Variants in SORCS1 observed in about 807,000 individuals in gnomAD.
SORCS1 encodes the protein sortilin related VPS10 domain containing receptor 1.
In SORCS1, 60 loss-of-function variants were observed where a neutral mutation model predicts 146.1. The ratio of observed to expected loss-of-function variants is 0.41; its 90% CI spans 0.33 to 0.51. The LOEUF is 0.51. SORCS1 is among the 20% of genes least tolerant of loss of function. The pLI is 0.21. For synonymous variants in SORCS1, 637 were observed against 584.0 expected (o/e 1.09, Z -1.31); for missense variants, 1,352 against 1,487.6 (o/e 0.91, Z 1.50).
intron 3 of SORCS1, among the ~76,000 whole-genome samples, chr10:106,814,784 G>A (rs1230157070): frequency 6.6e-6 from 1 of 151,602 alleles, no homozygotes; most frequent in East Asian, 2.0e-4. Flanking sequence ...GCGTGGTGGT[G>A]GGCGCCTGTA....
chr10:106,957,408 G>T (rs916646700), intron 1 of SORCS1, among the ~76,000 whole-genome samples: 1 of 151,944 alleles, frequency 6.6e-6, no homozygotes, highest in African/African-American at 2.4e-5. Flanking sequence ...CTGACCTCAG[G>T]TGATCCACCT....
intron 2 of SORCS1, among the ~76,000 whole-genome samples, chr10:106,882,486 A>G (rs571823725): frequency 1.4e-4 from 22 of 152,278 alleles, no homozygotes; most frequent in Middle Eastern, 3.4e-3. Flanking sequence ...CAACTCTCCC[A>G]TTAGAGCATG....
At chr10:106,714,059 T>A (rs12763942) in intron 6 of SORCS1, among the ~76,000 whole-genome samples, 223 of 130,978 alleles carry the variant, frequency 1.7e-3, no homozygotes, top group African/African-American at 5.9e-3. Flanking sequence ...TCACTTTAAC[T>A]CAGGAGGTGG....
chr10:106,720,145 T>A (rs2135930860), intron 6 of SORCS1, among the ~76,000 whole-genome samples: 1 of 152,330 alleles, frequency 6.6e-6, no homozygotes, highest in African/African-American at 2.4e-5. Context: ...CATGCATTTT[T>A]TATAACATCT....
chr10:106,985,556 T>TGA (rs1175290966), intron 1 of SORCS1, among the ~76,000 whole-genome samples: 4 of 150,132 alleles, frequency 2.7e-5, no homozygotes, highest in East Asian at 3.9e-4. Flanking sequence ...TTTTTTTTTT[T>TGA]GAGATAGTCT....
At chr10:106,785,140 G>T (rs1384048282) in intron 3 of SORCS1, among the ~76,000 whole-genome samples, 1 of 152,136 alleles carries the variant, frequency 6.6e-6, no homozygotes, top group African/African-American at 2.4e-5. Context: ...ATGCTGGCAG[G>T]AGCTCTCTCT....
At chr10:106,963,074 T>C (rs1445824579) in intron 1 of SORCS1, among the ~76,000 whole-genome samples, 7 of 146,672 alleles carry the variant, frequency 4.8e-5, no homozygotes, top group Non-Finnish European at 1.1e-4. Context: ...AATCAAAGAG[T>C]TGGATAAAAT....
chr10:106,733,467 T>C (rs1267124728), intron 5 of SORCS1, among the ~76,000 whole-genome samples: 1 of 152,224 alleles, frequency 6.6e-6, no homozygotes, highest in East Asian at 1.9e-4. Flanking sequence ...TAAGTGCTGA[T>C]TTTAACGGTC....
chr10:107,152,885 C>T (rs1194560208), intron 1 of SORCS1, among the ~76,000 whole-genome samples: 1 of 152,038 alleles, frequency 6.6e-6, no homozygotes, highest in Admixed American at 6.6e-5. Flanking sequence ...TGTTTATATG[C>T]CTCCATCACA....
chr10:106,680,633 A>G (rs992305693), intron 10 of SORCS1, among the ~76,000 whole-genome samples: 1 of 152,242 alleles, frequency 6.6e-6, no homozygotes, highest in Admixed American at 6.5e-5. Flanking sequence ...GTTTTCAAGA[A>G]AAAAGGATAA....
At chr10:106,632,638 G>C (rs958057444) in intron 18 of SORCS1, among the ~76,000 whole-genome samples, 2 of 152,184 alleles carry the variant, frequency 1.3e-5, no homozygotes, top group Non-Finnish European at 2.9e-5. Context: ...ATGTTATTAA[G>C]CAAGCAATAG....
intron 1 of SORCS1, among the ~76,000 whole-genome samples, chr10:107,069,617 C>A (rs978013903): frequency 5.3e-5 from 8 of 152,098 alleles, no homozygotes; most frequent in Admixed American, 3.3e-4. Flanking sequence ...CTCAGGTGAT[C>A]CACCCACCTC....
chr10:107,037,687 A>T (rs1958963888), intron 1 of SORCS1, among the ~76,000 whole-genome samples: 1 of 152,258 alleles, frequency 6.6e-6, no homozygotes, highest in African/African-American at 2.4e-5. Flanking sequence ...CCTTTGAGGT[A>T]AACACCAGAA....
chr10:106,711,820 G>A (rs1444189349), intron 6 of SORCS1, among the ~76,000 whole-genome samples: 2 of 152,042 alleles, frequency 1.3e-5, no homozygotes, highest in African/African-American at 4.8e-5. Flanking sequence ...TTCCCAGAAC[G>A]ATCCTCCGTC....
chr10:106,760,120 G>C (rs941268279), intron 5 of SORCS1, among the ~76,000 whole-genome samples: 4 of 152,104 alleles, frequency 2.6e-5, no homozygotes, highest in Non-Finnish European at 5.9e-5. Context: ...CATGAGGATA[G>C]GGTCCTTATG....
intron 1 of SORCS1, among the ~76,000 whole-genome samples, chr10:107,003,391 A>G (rs1344560735): frequency 6.6e-6 from 1 of 150,708 alleles, no homozygotes; most frequent in Non-Finnish European, 1.5e-5. Flanking sequence ...CAAAGTATGC[A>G]TGTGTTGTGT....
At chr10:106,783,615 T>C (rs1349551378) in intron 3 of SORCS1, among the ~76,000 whole-genome samples, 1 of 152,086 alleles carries the variant, frequency 6.6e-6, no homozygotes, top group African/African-American at 2.4e-5. Context: ...TAATGGAGAA[T>C]TCCAGTAACA....
chr10:106,814,342 G>A (rs1947625713), intron 3 of SORCS1, among the ~76,000 whole-genome samples: 1 of 152,154 alleles, frequency 6.6e-6, no homozygotes, highest in Non-Finnish European at 1.5e-5. Context: ...TCTACAGAGG[G>A]ATCAGCCTGA....
intron 3 of SORCS1, among the ~76,000 whole-genome samples, chr10:106,806,737 C>T (rs563144558): frequency 6.6e-6 from 1 of 151,690 alleles, no homozygotes; most frequent in Non-Finnish European, 1.5e-5. Context: ...GGATGGTCTC[C>T]ACCTCCTGAC....
Sources: allele counts gnomAD v4.1 joint callset (sites outside exome capture counted in the v4.1 genomes callset), GRCh38; gene constraint gnomAD v4.1.1; transcripts MANE v1.5; gene names NCBI Gene and HGNC (gene_info 2026-07-23, HGNC 2026-07-21).